Variants in GNL1 observed in about 807,000 individuals in gnomAD.
GNL1 encodes the protein G protein nucleolar 1.
In GNL1, 21 loss-of-function variants were observed where a neutral mutation model predicts 75.2. The observed-to-expected ratio is 0.28, with a 90% CI of 0.20 to 0.40. GNL1 has a LOEUF of 0.40. Among genes scored for constraint, GNL1 ranks in the 10% least tolerant of loss-of-function variants. The pLI, the probability that GNL1 is intolerant of heterozygous loss-of-function variation, is 1.00. For missense variants in GNL1, 579 were observed against 775.0 expected, an observed-to-expected ratio of 0.75 and a Z score of 3.00; for synonymous variants, 287 against 303.4, an observed-to-expected ratio of 0.95 and a Z score of 0.56.
In GNL1 at chr6:30,546,905, AAC is replaced by A. The variant is rs1403453889; in HGVS notation, c.1442-71_1442-70del. On this transcript the variant is annotated intron_variant, in intron 10 of 11. Transcript: ENST00000376621. The surrounding 1 kb of genome is among the most constrained non-coding windows in gnomAD (Gnocchi z 5.1). ...GTACCAGTTATACTCCCACTCCCAT[AAC>A]ACAGTCCTTCCAGTTTTCCCCAAAA... is the stretch of plus-strand genomic sequence containing the variant. 197 of 1,341,464 alleles carry A rather than the reference AAC, an allele frequency of 1.5e-4. No homozygotes were observed. In the East Asian group the frequency reaches 4.4e-3, roughly 30 times the overall value. The allele number at this position is 1,341,464 out of a possible 1,614,324, so 83.1% of individuals were successfully genotyped here.
chr6:30,553,011 A>G (rs1799890494), intron 7 of GNL1, 73 bp downstream of exon 7: 1 of 1,056,864 alleles, frequency 9.5e-7, no homozygotes, highest in African/African-American at 1.6e-5. Flanking sequence ...GCTTCAGGAA[A>G]GGTGAGCAAA....
chr6:30,549,817 T>A (rs1799660511), intron 8 of GNL1, among the ~76,000 whole-genome samples: 1 of 150,734 alleles, frequency 6.6e-6, no homozygotes, highest in South Asian at 2.1e-4. Flanking sequence ...TCTCATCCAA[T>A]TCCATGGCTT....
rs1407067086 is a variant in GNL1 at position 30,545,902 on chromosome 6, A to C, written c.*170T>G. On this transcript the variant is annotated 3_prime_UTR_variant, in exon 12 of 12. Transcript: ENST00000376621. ...AAAAAAGAAGGGAGAAGAGGAGAGA[A>C]GCCTCCCACAGCTGTTAGCCTGGAA... 3.4e-6 allele frequency: 2 copies of C among 594,696 alleles called. No homozygotes were observed. The highest frequency in any genetic ancestry group is 3.2e-5 in the East Asian group (1 of 30,856). The allele number at this position is 594,696 out of a possible 1,614,324, so 36.8% of individuals were successfully genotyped here. A position where few individuals can be genotyped will look rare whatever the true frequency, so the allele number is the denominator to read the frequency against.
At chr6:30,553,696 C>A (rs1409361362) in intron 5 of GNL1, 139 bp from the exon 6 acceptor site, 4 of 640,386 alleles carry the variant, frequency 6.2e-6, no homozygotes, top group Non-Finnish European at 1.1e-5. Flanking sequence ...ATAAACCAGA[C>A]AAACTGAAAA....
chr6:30,555,651 G>A lies in GNL1; in HGVS notation c.143C>T (p.Thr48Ile). 3 of 1,614,016 alleles carry A rather than the reference G, an allele frequency of 1.9e-6. No homozygotes were observed. Among genetic ancestry groups the A allele is most frequent in the Non-Finnish European group, 2.5e-6 (3 of 1,179,950 alleles). Residue 48 changes from threonine to isoleucine, a missense_variant, in exon 2 of 12, where the codon ACC becomes ATC. Transcript: ENST00000376621. The surrounding 1 kb of genome is among the most constrained non-coding windows in gnomAD (Gnocchi z 4.3). ...SGSRERREEQ[T>I]DTSDGESVTH... The stretch of plus-strand genomic sequence containing the variant: ...CACAGACTCCCCGTCCGAGGTGTCG[G>A]TCTGTTCCTCTCGCCGCTCCCGGCT...
rs893580310 is a variant in GNL1, at chr6:30,548,234, G to T, written c.1100-704C>A. Among the ~76,000 whole-genome samples, 2 of 151,922 alleles carry T rather than the reference G, an allele frequency of 1.3e-5. No homozygotes were observed. Among genetic ancestry groups the T allele is most frequent in the African/African-American group, 4.8e-5 (2 of 41,334 alleles). On this transcript the variant is annotated intron_variant, in intron 8 of 11. Transcript: ENST00000376621. The surrounding 1 kb of genome is among the most constrained non-coding windows in gnomAD (Gnocchi z 4.2). ...CCAAGGAGAAAACTGGAAGCCTTGG[G>T]GCTCACTGCCACTCTGCTCACTCAC...
At position 30,543,599 on chromosome 6, in the gene GNL1, A is replaced by G. The variant is rs575378114; in HGVS notation, c.*2473T>C. 1.8e-4 allele frequency: 27 copies of G among 152,150 alleles called. No homozygotes were observed. Among genetic ancestry groups the G allele is most frequent in the Admixed American group, 5.2e-4 (8 of 15,278 alleles). The allele number at this position is 152,150 out of a possible 1,614,324, so 9.4% of individuals were successfully genotyped here. A position where few individuals can be genotyped will look rare whatever the true frequency, so the allele number is the denominator to read the frequency against. The stretch of plus-strand genomic sequence containing the variant: ...TATAGAGCTATTGTATTATATTATT[A>G]TTATTCTATTCCTACCCTCTATTGC... On this transcript the variant is annotated 3_prime_UTR_variant, in exon 12 of 12. Coordinates refer to ENST00000376621, the MANE Select transcript of GNL1 (RefSeq NM_005275.5).
In GNL1 at chr6:30,545,708, G is replaced by A. The variant is rs1205663789; in HGVS notation, c.*364C>T. On this transcript the variant is annotated 3_prime_UTR_variant, in exon 12 of 12. Coordinates refer to ENST00000376621, the MANE Select transcript of GNL1 (RefSeq NM_005275.5). ...GGCACACAGGGCTGCTGCTCAAATC[G>A]GAGAATGGCACAAACTCCAAAAGGG... 5 of 262,082 alleles carry A rather than the reference G, an allele frequency of 1.9e-5. No homozygotes were observed. Among genetic ancestry groups the A allele is most frequent in the South Asian group, 4.7e-5 (1 of 21,106 alleles). 16.2% of individuals were successfully genotyped at this position (262,082 alleles called of 1,614,324 possible).
chr6:30,554,952 C>T, intron 3 of GNL1, 37 bp from the exon 4 acceptor site: 1 of 1,611,788 alleles, frequency 6.2e-7, no homozygotes, highest in Non-Finnish European at 8.5e-7. Flanking sequence ...GTGAGGAAAT[C>T]TTCAGGATTC....
rs147706805 is a variant in GNL1, at chr6:30,543,101, G to A, written c.*2971C>T. Reference sequence around the variant, plus strand: ...CTCAGCATGGACATCTGTTCCTCTAGGACGCTTCCCCTGATTCACCAAGAC... The same window carrying A: ...CTCAGCATGGACATCTGTTCCTCTAAGACGCTTCCCCTGATTCACCAAGAC... On this transcript the variant is annotated 3_prime_UTR_variant, in exon 12 of 12. Coordinates refer to ENST00000376621, the MANE Select transcript of GNL1 (RefSeq NM_005275.5). 1 of 152,450 alleles carries A rather than the reference G, an allele frequency of 6.6e-6. No homozygotes were observed. Among genetic ancestry groups the A allele is most frequent in the Non-Finnish European group, 1.5e-5 (1 of 68,050 alleles). The allele number at this position is 152,450 out of a possible 1,614,324, so 9.4% of individuals were successfully genotyped here.
In GNL1 at chr6:30,541,708, G is replaced by T. The variant is rs1562692127; in HGVS notation, c.*4364C>A. ...GCTGTTGCGATCTCTTAATTAGCTT[G>T]AACTGAGTTTGTATTAGAATTTATA... On this transcript the variant is annotated 3_prime_UTR_variant, in exon 12 of 12. Coordinates refer to ENST00000376621, the MANE Select transcript of GNL1 (RefSeq NM_005275.5). 1 of 152,328 alleles carries T rather than the reference G, an allele frequency of 6.6e-6. No individual in the cohort carries two copies. The highest frequency in any genetic ancestry group is 6.5e-5 in the Admixed American group (1 of 15,300). The allele number at this position is 152,328 out of a possible 1,614,324, so 9.4% of individuals were successfully genotyped here.
At position 30,549,241 on chromosome 6, in the gene GNL1, C is replaced by T. The variant is rs555712267; in HGVS notation, c.1100-1711G>A. 1.4e-4 allele frequency among the ~76,000 whole-genome samples: 21 copies of T among 152,224 alleles called. No individual in the cohort carries two copies. In the Middle Eastern group the frequency reaches 0.014, roughly 99 times the overall value. ...CTCAAACTCCTGACCTCAAGTAATG[C>T]GCCTGCCTCAGCCTCCCAAAGTGCT... On this transcript the variant is annotated intron_variant, in intron 8 of 11. Coordinates refer to ENST00000376621, the MANE Select transcript of GNL1 (RefSeq NM_005275.5).
chr6:30,555,673 G>A lies in GNL1; in HGVS notation c.121C>T (p.Arg41Trp). Reference protein sequence around the residue: ...RSSSNSRSGSRERREEQTDTS... With the variant: ...RSSSNSRSGSWERREEQTDTS... Reference sequence around the variant, plus strand: ...TCGGTCTGTTCCTCTCGCCGCTCCCGGCTCCCGCTGCGGCTGTTGGAACTG... The same window carrying A: ...TCGGTCTGTTCCTCTCGCCGCTCCCAGCTCCCGCTGCGGCTGTTGGAACTG... The change falls in exon 2 of 12, where the codon CGG becomes TGG. Residue 41 changes from arginine to tryptophan, a missense_variant. Arg to Trp is a moderately radical substitution (Grantham distance 101). Transcript: ENST00000376621. This position sits in a 1 kb window ranked among gnomAD's most constrained non-coding sequence, Gnocchi z 4.3. The A allele has an allele frequency of 1.9e-6, 3 of 1,613,952 alleles. No homozygotes were observed. Among genetic ancestry groups the A allele is most frequent in the East Asian group, 2.2e-5 (1 of 44,872 alleles).
Position 30,555,521 on chromosome 6 carries a change from G to C in GNL1, c.239+34C>G. 1 of 1,588,730 alleles carries C rather than the reference G, an allele frequency of 6.3e-7. No individual in the cohort carries two copies. The highest frequency in any genetic ancestry group is 2.2e-5 in the East Asian group (1 of 44,524). On this transcript the variant is annotated intron_variant, in intron 2 of 11. Transcript: ENST00000376621. The surrounding 1 kb of genome is among the most constrained non-coding windows in gnomAD (Gnocchi z 4.3). ...AAAGCTCTGACTTCCGGGTAGGCGG[G>C]AAAGCCGGGACCAGCGCCCCCTCCC...
At chr6:30,553,880 CT>C (rs758943672) in intron 5 of GNL1, among the ~76,000 whole-genome samples, 3 of 152,144 alleles carry the variant, frequency 2.0e-5, no homozygotes. Context: ...AATTAGTCTG[CT>C]TTTTTGTGTG....
rs368566710 is a variant in GNL1 at position 30,551,233 on chromosome 6, T to C, written c.1099+1234A>G. 2.1e-4 allele frequency among the ~76,000 whole-genome samples: 32 copies of C among 152,216 alleles called. No individual in the cohort carries two copies. The East Asian group carries it at 5.8e-3, about 27-fold the overall frequency. On this transcript the variant is annotated intron_variant, in intron 8 of 11. Transcript: ENST00000376621. Reference sequence around the variant, plus strand: ...CACACCACCTGGAATAGAGATCAGCTAGAGCAGAGGCTGCTAAGAGAGGGA... The same window carrying C: ...CACACCACCTGGAATAGAGATCAGCCAGAGCAGAGGCTGCTAAGAGAGGGA...
Position 30,555,572 on chromosome 6 carries a change from T to C in GNL1, c.222A>G (p.Arg74=). 1 of 1,613,602 alleles carries C rather than the reference T, an allele frequency of 6.2e-7. No homozygotes were observed. Among genetic ancestry groups the C allele is most frequent in the Non-Finnish European group, 8.5e-7 (1 of 1,179,832 alleles). ...NQQPSQGLGP[R]GYDPNRYRLH... ...ACCCTCACCGATTTGGGTCGTAGCC[T>C]CGTGGACCCAGCCCCTGAGAAGGCT... Residue 74 remains arginine, a synonymous_variant, in exon 2 of 12, where the codon CGA becomes CGG. Coordinates refer to ENST00000376621, the MANE Select transcript of GNL1 (RefSeq NM_005275.5). The surrounding 1 kb of genome is among the most constrained non-coding windows in gnomAD (Gnocchi z 4.3).
Position 30,543,729 on chromosome 6 carries a change from A to G in GNL1, c.*2343T>C, listed in dbSNP as rs942646949. On this transcript the variant is annotated 3_prime_UTR_variant, in exon 12 of 12. Transcript: ENST00000376621. ...TAACCAATTTTTGTTGACTGTATCA[A>G]TGATTGTAAGAAGTGAACAAAGGGC... The G allele has an allele frequency of 2.6e-5, 4 of 152,174 alleles. No homozygotes were observed. Among genetic ancestry groups the G allele is most frequent in the East Asian group, 1.9e-4 (1 of 5,196 alleles). The allele number at this position is 152,174 out of a possible 1,614,324, so 9.4% of individuals were successfully genotyped here.
intron 5 of GNL1, among the ~76,000 whole-genome samples, chr6:30,554,343 G>C (rs1799996415): frequency 6.6e-6 from 1 of 152,324 alleles, no homozygotes; most frequent in South Asian, 2.1e-4. Flanking sequence ...TCTGTGATGA[G>C]CTAAAGGACA....
Sources: allele counts gnomAD v4.1 joint callset (sites outside exome capture counted in the v4.1 genomes callset), GRCh38; gene constraint gnomAD v4.1.1; non-coding constraint Gnocchi (gnomAD v3.1); transcripts MANE v1.5; gene names NCBI Gene and HGNC (gene_info 2026-07-23, HGNC 2026-07-21).